GPR141: variants seen among roughly 807,000 people sequenced by gnomAD.
The protein encoded by GPR141 is G protein-coupled receptor 141, also known as probable G protein-coupled receptor 141.
In GPR141, 6 loss-of-function variants were observed where a neutral mutation model predicts 6.8. The observed-to-expected ratio is 0.88, with a 90% confidence interval of 0.48 to 1.74. GPR141 has a LOEUF of 1.74. Among genes scored for constraint, GPR141 ranks in the 40% most tolerant of loss-of-function variants. The probability of loss-of-function intolerance (pLI) is 0.01; values close to 1 mark genes in which losing one functional copy is unlikely to be tolerated. For synonymous variants in GPR141, 140 were observed against 142.3 expected, an observed-to-expected ratio of 0.98 and a Z score of 0.11; for missense variants, 372 against 372.9, an observed-to-expected ratio of 1.00 and a Z score of 0.02.
intron 2 of GPR141, among the ~76,000 whole-genome samples, chr7:37,696,912 G>GAAA (rs1353493657): frequency 6.6e-6 from 1 of 151,792 alleles, no homozygotes; most frequent in East Asian, 1.9e-4. Flanking sequence ...TCTTAGTTGC[G>GAAA]TTTTCTGGAA....
chr7:37,733,653 C>A, intron 2 of GPR141, among the ~76,000 whole-genome samples: 1 of 117,368 alleles, frequency 8.5e-6, no homozygotes, highest in South Asian at 2.6e-4. Context: ...GCCTGGGTGA[C>A]AGAGTGAAAC....
chr7:37,722,720 C>CA (rs146286812), intron 2 of GPR141, among the ~76,000 whole-genome samples: 18,338 of 120,968 alleles, frequency 0.15, 2,027 homozygotes, highest in African/African-American at 0.33. Flanking sequence ...GACTCCATCT[C>CA]AAAAAAAAAA....
At position 37,741,503 on chromosome 7, in the gene GPR141, C is replaced by G; in HGVS notation, c.*192C>G. The stretch of plus-strand genomic sequence containing the variant: ...CTCCCATCTCTGAGTGATGGCCGTA[C>G]AAAGACCAGTGTTGTTGAATCCACC... On this transcript the variant is annotated 3_prime_UTR_variant, in exon 3 of 3. Transcript: ENST00000334425. The G allele has an allele frequency of 1.9e-6, 1 of 531,220 alleles. No homozygotes were observed. The highest frequency in any genetic ancestry group is 3.6e-5 in the Admixed American group (1 of 27,768). The allele number at this position is 531,220 out of a possible 1,614,324, so 32.9% of individuals were successfully genotyped here.
At chr7:37,684,425 T>C (rs1483581046) in intron 1 of GPR141, among the ~76,000 whole-genome samples, 1 of 152,190 alleles carries the variant, frequency 6.6e-6, no homozygotes, top group African/African-American at 2.4e-5. Flanking sequence ...TGTGAAATAA[T>C]GGTAATTATA....
rs58448381 is a variant in GPR141, at chr7:37,730,849, T to C, written c.-14-9531T>C. On this transcript the variant is annotated intron_variant, in intron 2 of 2. Coordinates refer to ENST00000334425, the MANE Select transcript of GPR141 (RefSeq NM_001381946.1). ...CTGAGAAGCATTTATTATTTTTGTA[T>C]GTGCTCAATTTTTTAGCAATGAAGA... Among the ~76,000 whole-genome samples the C allele has an allele frequency of 5.2e-5, 8 of 152,382 alleles. No individual in the cohort carries two copies. In the East Asian group the frequency reaches 1.5e-3, roughly 29 times the overall value.
Position 37,741,382 on chromosome 7 carries a change from T to A in GPR141, c.*71T>A. 2 of 1,130,474 alleles carry A rather than the reference T, an allele frequency of 1.8e-6. No homozygotes were observed. Among genetic ancestry groups the A allele is most frequent in the Non-Finnish European group, 2.5e-6 (2 of 789,936 alleles). The allele number at this position is 1,130,474 out of a possible 1,614,324, so 70.0% of individuals were successfully genotyped here. ...AAAATGGGTATAGGGGAGGTAAGAA[T>A]GGTATTTCATTACTTGATCAAAACC... On this transcript the variant is annotated 3_prime_UTR_variant, in exon 3 of 3. Transcript: ENST00000334425.
At chr7:37,739,973 C>T (rs995758998) in intron 2 of GPR141, among the ~76,000 whole-genome samples, 2 of 151,810 alleles carry the variant, frequency 1.3e-5, no homozygotes, top group African/African-American at 2.4e-5. Flanking sequence ...TAATCATGCC[C>T]GTAAGAAAAA....
chr7:37,702,266 TG>T, intron 2 of GPR141, among the ~76,000 whole-genome samples: 1 of 152,290 alleles, frequency 6.6e-6, no homozygotes, highest in African/African-American at 2.4e-5. Flanking sequence ...TTTAGTTTTT[TG>T]TTTACTATTT....
chr7:37,712,865 A>T (rs2597274), intron 2 of GPR141, among the ~76,000 whole-genome samples: 1 of 152,052 alleles, frequency 6.6e-6, no homozygotes, highest in Non-Finnish European at 1.5e-5. Context: ...TGCAGAGCTC[A>T]GCTGGGCCTG....
intron 2 of GPR141, among the ~76,000 whole-genome samples, chr7:37,688,296 G>A (rs1265620861): frequency 2.0e-5 from 3 of 152,026 alleles, no homozygotes; most frequent in Admixed American, 6.5e-5. Flanking sequence ...CTGGGGCATG[G>A]TGGTACACGC....
chr7:37,735,372 C>T (rs1292921122), intron 2 of GPR141, among the ~76,000 whole-genome samples: 1 of 152,166 alleles, frequency 6.6e-6, no homozygotes, highest in East Asian at 1.9e-4. Context: ...AGACTAATAT[C>T]CTAAGCCTTA....
At chr7:37,715,678 A>G (rs75033400) in intron 2 of GPR141, among the ~76,000 whole-genome samples, 8,434 of 152,264 alleles carry the variant, frequency 0.055, 317 homozygotes, top group Non-Finnish European at 0.081. Context: ...AAAATTTGAT[A>G]GGAAATTTTG....
At chr7:37,685,823 T>C (rs1474789913) in intron 2 of GPR141, among the ~76,000 whole-genome samples, 3 of 150,186 alleles carry the variant, frequency 2.0e-5, no homozygotes, top group Admixed American at 6.7e-5. Context: ...CAAAATCCAA[T>C]TGTAGTTAAG....
At chr7:37,736,400 A>G (rs1473744126) in intron 2 of GPR141, among the ~76,000 whole-genome samples, 1 of 152,102 alleles carries the variant, frequency 6.6e-6, no homozygotes, top group African/African-American at 2.4e-5. Flanking sequence ...AGATTGGGAC[A>G]AAGCAATATT....
chr7:37,692,209 A>G (rs1046648670), intron 2 of GPR141, among the ~76,000 whole-genome samples: 1 of 150,448 alleles, frequency 6.6e-6, no homozygotes, highest in African/African-American at 2.5e-5. Flanking sequence ...ATGTGTTCTC[A>G]TTGTTCAACT....
intron 2 of GPR141, among the ~76,000 whole-genome samples, chr7:37,694,674 G>A (rs1338805823): frequency 6.6e-6 from 1 of 152,188 alleles, no homozygotes; most frequent in Non-Finnish European, 1.5e-5. Flanking sequence ...AAGAGAGGAA[G>A]CAAGAGAGAT....
chr7:37,684,517 CA>C (rs1169858897), intron 1 of GPR141, among the ~76,000 whole-genome samples: 1 of 152,044 alleles, frequency 6.6e-6, no homozygotes, highest in African/African-American at 2.4e-5. Context: ...ATAAAAAGAA[CA>C]ACATCTGTTC....
intron 2 of GPR141, among the ~76,000 whole-genome samples, chr7:37,698,650 G>A (rs1421671224): frequency 2.6e-5 from 4 of 152,184 alleles, no homozygotes; most frequent in Non-Finnish European, 5.9e-5. Flanking sequence ...ACCAGAAAAG[G>A]GGGTATTTGG....
At position 37,740,656 on chromosome 7, in the gene GPR141, G is replaced by C. The variant is rs759162458; in HGVS notation, c.263G>C (p.Cys88Ser). The C allele has an allele frequency of 6.2e-7, 1 of 1,614,096 alleles. No homozygotes were observed. Among genetic ancestry groups the C allele is most frequent in the South Asian group, 1.1e-5 (1 of 91,074 alleles). Residue 88 changes from cysteine to serine, a missense_variant, in exon 3 of 3, where the codon TGC (cysteine) becomes TCC (serine). Coordinates refer to ENST00000334425, the MANE Select transcript of GPR141 (RefSeq NM_001381946.1). The part of the protein sequence containing the change: ...KKTWMFGLPF[C>S]KFVSAMLHIH... ...ACTTGGATGTTTGGGCTGCCCTTCTGCAAATTTGTGAGTGCCATGCTGCAC... is the reference window on the plus strand; with the variant it reads ...ACTTGGATGTTTGGGCTGCCCTTCTCCAAATTTGTGAGTGCCATGCTGCAC...
Sources: gnomAD v4.1 joint callset for allele counts (sites outside exome capture counted in the v4.1 genomes callset) on GRCh38, gnomAD v4.1.1 for gene constraint, MANE v1.5 for transcripts, NCBI Gene and HGNC (gene_info 2026-07-23, HGNC 2026-07-21) for gene names.